The following FCHO2 variants were observed in gnomAD, a reference collection of about 807,000 sequenced individuals.
The protein encoded by FCHO2 is FCH and mu domain containing endocytic adaptor 2, also known as F-BAR domain only protein 2.
In FCHO2, 43 loss-of-function variants were observed where a neutral mutation model predicts 114.1. The ratio of observed to expected loss-of-function variants is 0.38; its 90% confidence interval spans 0.30 to 0.49. The LOEUF (loss-of-function observed/expected upper bound fraction) is 0.49. Ranked by LOEUF, FCHO2 falls within the 20% of genes least tolerant of loss-of-function variation. The pLI is 0.97. For synonymous variants in FCHO2, 293 were observed against 315.2 expected, an observed-to-expected ratio of 0.93 and a Z score of 0.75; for missense variants, 807 against 950.4, an observed-to-expected ratio of 0.85 and a Z score of 1.98.
At chr5:72,999,536 C>G (rs1446343764) in intron 5 of FCHO2, among the ~76,000 whole-genome samples, 1 of 152,024 alleles carries the variant, frequency 6.6e-6, no homozygotes, top group Non-Finnish European at 1.5e-5. Flanking sequence ...GCATGCGTCA[C>G]CACGCCCAGC....
At chr5:72,987,502 TA>T (rs1279025201) in intron 2 of FCHO2, among the ~76,000 whole-genome samples, 1 of 152,034 alleles carries the variant, frequency 6.6e-6, no homozygotes, top group Non-Finnish European at 1.5e-5. Flanking sequence ...CATGCTCAGC[TA>T]ATTTTTGTAT....
At chr5:73,037,959 C>G in intron 10 of FCHO2, 1 of 258,122 alleles carries the variant, frequency 3.9e-6, no homozygotes, top group Non-Finnish European at 7.8e-6. Flanking sequence ...AGGGTTTCAC[C>G]ATATTGGCCA....
intron 8 of FCHO2, among the ~76,000 whole-genome samples, chr5:73,029,140 T>C (rs1756098320): frequency 6.6e-6 from 1 of 152,194 alleles, no homozygotes; most frequent in African/African-American, 2.4e-5. Context: ...TTTAAGTAGA[T>C]GTAGTTTATC....
In FCHO2 at chr5:73,077,488, G is replaced by T. The variant is rs1742951883; in HGVS notation, c.1842G>T (p.Val614=). The T allele has an allele frequency of 1.3e-6, 2 of 1,594,352 alleles. No homozygotes were observed. Among genetic ancestry groups the T allele is most frequent in the Admixed American group, 1.8e-5 (1 of 56,888 alleles). ...LEQILPNAQL[V]FSDPSQCDSN... is the part of the protein sequence containing the mutation. Reference sequence around the variant, plus strand: ...AGATTCTTCCAAATGCACAGCTTGTGTTCAGGTTTGTGTACTTTTTGTTTT... The same window carrying T: ...AGATTCTTCCAAATGCACAGCTTGTTTTCAGGTTTGTGTACTTTTTGTTTT... The change falls in exon 21 of 26, where the codon GTG becomes GTT. Residue 614 remains valine, a synonymous_variant. Transcript: ENST00000430046.
intron 10 of FCHO2, among the ~76,000 whole-genome samples, chr5:73,039,925 CTG>C (rs532172584): frequency 5.0e-4 from 70 of 141,402 alleles, no homozygotes; most frequent in African/African-American, 1.7e-3. Context: ...GAGTAAGACT[CTG>C]TGTCAGAGAA....
At chr5:72,963,211 GTATAA>G (rs1368019117) in intron 1 of FCHO2, among the ~76,000 whole-genome samples, 1 of 152,164 alleles carries the variant, frequency 6.6e-6, no homozygotes, top group South Asian at 2.1e-4. Flanking sequence ...AGATTGGAAA[GTATAA>G]TATAAGTAAA....
intron 2 of FCHO2, among the ~76,000 whole-genome samples, chr5:72,987,307 AT>A (rs1753581499): frequency 6.6e-6 from 1 of 152,038 alleles, no homozygotes; most frequent in Non-Finnish European, 1.5e-5. Context: ...ATTTTGGAGC[AT>A]TTCTGATATT....
chr5:73,019,058 G>A (rs1439125593), intron 8 of FCHO2, among the ~76,000 whole-genome samples: 1 of 152,146 alleles, frequency 6.6e-6, no homozygotes, highest in Non-Finnish European at 1.5e-5. Context: ...TGGCTTGTTC[G>A]AAGACCTGTA....
intron 8 of FCHO2, chr5:73,020,910 A>G (rs1262062937): frequency 2.3e-6 from 3 of 1,323,800 alleles, no homozygotes; most frequent in Non-Finnish European, 3.3e-6. Context: ...TATCATCTTT[A>G]TCGAAATCAT....
intron 11 of FCHO2, among the ~76,000 whole-genome samples, chr5:73,050,481 G>C (rs898558771): frequency 5.9e-5 from 9 of 151,830 alleles, no homozygotes; most frequent in Non-Finnish European, 1.3e-4. Flanking sequence ...ACCATGCCCA[G>C]CTAATTTTTG....
intron 2 of FCHO2, among the ~76,000 whole-genome samples, chr5:72,986,678 T>C (rs1178165160): frequency 6.6e-6 from 1 of 152,190 alleles, no homozygotes; most frequent in Non-Finnish European, 1.5e-5. Flanking sequence ...TATCCCTTAT[T>C]TGAAATGCTT....
chr5:73,059,370 C>T (rs563461303), intron 17 of FCHO2, among the ~76,000 whole-genome samples: 1 of 152,014 alleles, frequency 6.6e-6, no homozygotes, highest in East Asian at 1.9e-4. Context: ...TTTTATTGTC[C>T]CTGTTTTATA....
At chr5:73,082,239 G>A (rs1743117887) in intron 23 of FCHO2, among the ~76,000 whole-genome samples, 1 of 148,138 alleles carries the variant, frequency 6.8e-6, no homozygotes, top group South Asian at 2.2e-4. Flanking sequence ...ATTAGGCAGA[G>A]TGCTTGACCT....
intron 10 of FCHO2, among the ~76,000 whole-genome samples, chr5:73,040,251 C>T (rs1270521737): frequency 6.6e-6 from 1 of 152,092 alleles, no homozygotes; most frequent in East Asian, 1.9e-4. Flanking sequence ...GAAATATTTG[C>T]AGAATACATC....
chr5:73,086,351 A>G (rs1190795920), intron 24 of FCHO2, among the ~76,000 whole-genome samples: 1 of 152,198 alleles, frequency 6.6e-6, no homozygotes, highest in Non-Finnish European at 1.5e-5. Context: ...CTACTGATCT[A>G]TGCCTCCAGG....
Position 72,990,612 on chromosome 5 carries a change from A to G in FCHO2, c.335A>G (p.His112Arg), listed in dbSNP as rs1433323670. 5 of 1,530,772 alleles carry G rather than the reference A, an allele frequency of 3.3e-6. No homozygotes were observed. Among genetic ancestry groups the G allele is most frequent in the Non-Finnish European group, 4.4e-6 (5 of 1,143,660 alleles). The allele number at this position is 1,530,772 out of a possible 1,614,324, so 94.8% of individuals were successfully genotyped here. The change falls in exon 4 of 26, where the codon CAT becomes CGT. Residue 112 changes from histidine to arginine, a missense_variant. Coordinates refer to ENST00000430046, the MANE Select transcript of FCHO2 (RefSeq NM_138782.3). ...QKYGEEQVKS[H>R]KKTKEEVAGT... ...TATGGAGAAGAACAAGTAAAGTCTC[A>G]TAAAAAGGTATCAGTTTTTTTCTTG...
At chr5:73,009,182 A>C (rs543475578) in intron 6 of FCHO2, among the ~76,000 whole-genome samples, 1 of 152,372 alleles carries the variant, frequency 6.6e-6, no homozygotes, top group African/African-American at 2.4e-5. Flanking sequence ...CTTCAAGTCT[A>C]GTGAGATAGA....
chr5:73,062,603 C>T (rs1757902216), intron 17 of FCHO2, among the ~76,000 whole-genome samples: 1 of 151,982 alleles, frequency 6.6e-6, no homozygotes, highest in Non-Finnish European at 1.5e-5. Context: ...AGACAGTGGC[C>T]TCAGAATCTA....
chr5:73,030,342 A>G (rs1283833884), intron 8 of FCHO2, among the ~76,000 whole-genome samples: 3 of 152,176 alleles, frequency 2.0e-5, no homozygotes, highest in Non-Finnish European at 4.4e-5. Context: ...ATGCCCAGCC[A>G]AGAAATTGAT....
Sources: allele counts gnomAD v4.1 joint callset (sites outside exome capture counted in the v4.1 genomes callset), GRCh38; gene constraint gnomAD v4.1.1; transcripts MANE v1.5; gene names NCBI Gene and HGNC (gene_info 2026-07-23, HGNC 2026-07-21).